Variants in KCNK2 observed in about 807,000 individuals in gnomAD.
KCNK2 encodes potassium channel subfamily K member 2.
Under a neutral mutation model 40.5 loss-of-function variants are expected in KCNK2, and 21 were observed. The ratio of observed to expected loss-of-function variants is 0.52; its 90% CI spans 0.37 to 0.75. The LOEUF (loss-of-function observed/expected upper bound fraction) is 0.75, where lower values mean the gene tolerates loss of function less well. Ranked by LOEUF, KCNK2 falls within the 30% of genes least tolerant of loss-of-function variation. The pLI, the probability that KCNK2 is intolerant of heterozygous loss-of-function variation, is 0.00. For missense variants in KCNK2, 399 were observed against 531.6 expected, an observed-to-expected ratio of 0.75 and a Z score of 2.45; for synonymous variants, 191 against 202.2, an observed-to-expected ratio of 0.94 and a Z score of 0.47.
chr1:215,136,703 A>T (rs1016875480), intron 3 of KCNK2, among the ~76,000 whole-genome samples: 10 of 152,140 alleles, frequency 6.6e-5, no homozygotes, highest in Non-Finnish European at 1.3e-4. Context: ...AGGGACCAGA[A>T]TGAGGCACAT....
At chr1:215,228,756 C>A (rs541654158) in intron 6 of KCNK2, among the ~76,000 whole-genome samples, 1 of 152,084 alleles carries the variant, frequency 6.6e-6, no homozygotes, top group East Asian at 1.9e-4. Context: ...ATCCAGAACA[C>A]CAAAAGCATT....
intron 3 of KCNK2, among the ~76,000 whole-genome samples, chr1:215,131,067 A>G (rs1661652781): frequency 6.6e-6 from 1 of 150,768 alleles, no homozygotes. Flanking sequence ...TCACCGTGTT[A>G]GCCAAGATGG....
At chr1:215,160,911 A>G (rs780729630) in intron 3 of KCNK2, among the ~76,000 whole-genome samples, 7 of 152,126 alleles carry the variant, frequency 4.6e-5, no homozygotes, top group Non-Finnish European at 1.0e-4. Flanking sequence ...GCATATCAAA[A>G]TCAACCTACT....
Position 215,040,275 on chromosome 1 carries a change from T to A in KCNK2, c.34+34320T>A, listed in dbSNP as rs148702067. Among the ~76,000 whole-genome samples, 56 of 152,282 alleles carry A rather than the reference T, an allele frequency of 3.7e-4. No homozygotes were observed. In the East Asian group the frequency reaches 9.5e-3, roughly 26 times the overall value. ...GCCTTAGAAACTTGTTACCATTAAT[T>A]CTTAAATGTGTCCATAAGACAAATA... On this transcript the variant is annotated intron_variant, in intron 1 of 6. Coordinates refer to the KCNK2 transcript ENST00000391895.
At chr1:215,124,601 G>T (rs747128584) in intron 2 of KCNK2, 32 bp from the exon 3 acceptor site, 2 of 1,239,146 alleles carry the variant, frequency 1.6e-6, no homozygotes, top group South Asian at 1.2e-5. Flanking sequence ...TGTGATTCAT[G>T]TGTACTGATA....
chr1:215,157,000 G>A (rs992581540), intron 3 of KCNK2, among the ~76,000 whole-genome samples: 23 of 152,128 alleles, frequency 1.5e-4, no homozygotes, highest in Admixed American at 4.6e-4. Flanking sequence ...GCAGTGAGCC[G>A]AGATTGCACC....
At chr1:215,089,130 C>T (rs1659585270) in intron 2 of KCNK2, among the ~76,000 whole-genome samples, 1 of 152,070 alleles carries the variant, frequency 6.6e-6, no homozygotes, top group Admixed American at 6.6e-5. Context: ...TTATAAATTT[C>T]CCAATCTTTT....
Position 215,186,130 on chromosome 1 carries a change from C to T in KCNK2, c.824-8823C>T, listed in dbSNP as rs372292553. On this transcript the variant is annotated intron_variant, in intron 5 of 6. Coordinates refer to ENST00000444842, the MANE Select transcript of KCNK2 (RefSeq NM_001017425.3). ...GATTTTCTATGATAAGAGAACATGA[C>T]GATTAGGCTGGGTATGGTGGCAAAA... Among the ~76,000 whole-genome samples the T allele has an allele frequency of 1.4e-4, 22 of 152,198 alleles. 1 individual carries two copies. In the South Asian group the frequency reaches 3.5e-3, roughly 24 times the overall value.
At chr1:215,041,898 A>C (rs1657578045) in intron 1 of KCNK2, among the ~76,000 whole-genome samples, 1 of 152,320 alleles carries the variant, frequency 6.6e-6, no homozygotes, top group South Asian at 2.1e-4. Context: ...AAGAAGTTTA[A>C]CGGGCTCACA....
chr1:215,178,308 A>G (rs1373272648), intron 5 of KCNK2, among the ~76,000 whole-genome samples: 1 of 152,114 alleles, frequency 6.6e-6, no homozygotes, highest in Non-Finnish European at 1.5e-5. Flanking sequence ...TAGTGAAGAA[A>G]GATAGTTTAA....
intron 2 of KCNK2, among the ~76,000 whole-genome samples, chr1:215,097,014 G>C (rs1279063447): frequency 1.3e-5 from 2 of 151,840 alleles, no homozygotes; most frequent in Admixed American, 6.6e-5. Flanking sequence ...AGTGGGATCT[G>C]CCTTTCAGTC....
intron 6 of KCNK2, among the ~76,000 whole-genome samples, chr1:215,233,058 A>T (rs1301052237): frequency 6.6e-6 from 1 of 152,190 alleles, no homozygotes; most frequent in African/African-American, 2.4e-5. Flanking sequence ...CATGTTTAGT[A>T]ATCAGTTCTA....
chr1:215,118,432 G>A (rs2102572679), intron 2 of KCNK2, among the ~76,000 whole-genome samples: 1 of 152,220 alleles, frequency 6.6e-6, no homozygotes, highest in East Asian at 1.9e-4. Context: ...CATTCTTCAA[G>A]TTTTTAAAAA....
chr1:215,083,194 T>TACC lies in KCNK2; in HGVS notation c.-192_-191insACC. On this transcript the variant is annotated 5_prime_UTR_variant, in exon 1 of 7. Coordinates refer to ENST00000444842, the MANE Select transcript of KCNK2 (RefSeq NM_001017425.3). ...CCCGCGATTTCGTTTCTTCTCACGC[T>TACC]CCCCCCCCCGCCCCCTCCCGCGTCC... 9.4e-5 allele frequency: 47 copies of TACC among 501,796 alleles called. No individual in the cohort carries two copies. Among genetic ancestry groups the TACC allele is most frequent in the East Asian group, 2.1e-4 (4 of 18,946 alleles). 31.1% of individuals were successfully genotyped at this position (501,796 alleles called of 1,614,324 possible). A position where few individuals can be genotyped will look rare whatever the true frequency, so the allele number is the denominator to read the frequency against.
Position 215,046,019 on chromosome 1 carries a change from C to T in KCNK2, c.34+40064C>T, listed in dbSNP as rs550720467. On this transcript the variant is annotated intron_variant, in intron 1 of 6. Coordinates refer to the KCNK2 transcript ENST00000391895. ...AGCTTTCTGTTGGTTGAATCACACACGTTAATTGTTCATGTAACCGTGGAA... is the reference window on the plus strand; with the variant it reads ...AGCTTTCTGTTGGTTGAATCACACATGTTAATTGTTCATGTAACCGTGGAA... Among the ~76,000 whole-genome samples the T allele has an allele frequency of 8.5e-5, 13 of 152,282 alleles. No individual in the cohort carries two copies. In the East Asian group the frequency reaches 1.7e-3, roughly 20 times the overall value.
At chr1:215,012,579 C>A (rs1161671729) in intron 1 of KCNK2, among the ~76,000 whole-genome samples, 1 of 151,394 alleles carries the variant, frequency 6.6e-6, no homozygotes, top group Non-Finnish European at 1.5e-5. Flanking sequence ...TCAAGTGATC[C>A]TCCTGCCTCA....
At chr1:215,033,524 G>A (rs1657279014) in intron 1 of KCNK2, among the ~76,000 whole-genome samples, 1 of 152,112 alleles carries the variant, frequency 6.6e-6, no homozygotes, top group African/African-American at 2.4e-5. Flanking sequence ...GGTATGAGGG[G>A]AGGAGAAGTG....
At chr1:215,176,342 C>T (rs1317712245) in intron 5 of KCNK2, among the ~76,000 whole-genome samples, 1 of 151,578 alleles carries the variant, frequency 6.6e-6, no homozygotes, top group Non-Finnish European at 1.5e-5. Context: ...TTTTCTTCAA[C>T]TTTTATTTTA....
intron 1 of KCNK2, among the ~76,000 whole-genome samples, chr1:215,072,813 G>C (rs1487595538): frequency 1.3e-5 from 2 of 152,070 alleles, no homozygotes; most frequent in Non-Finnish European, 2.9e-5. Context: ...AGACAACAAG[G>C]TCCCTTGTCT....
Sources: gnomAD v4.1 joint callset for allele counts (sites outside exome capture counted in the v4.1 genomes callset) on GRCh38, gnomAD v4.1.1 for gene constraint, MANE v1.5 for transcripts, NCBI Gene and HGNC (gene_info 2026-07-23, HGNC 2026-07-21) for gene names.